SLC23A2: variants seen among roughly 807,000 people sequenced by gnomAD.
SLC23A2 encodes solute carrier family 23 member 2.
A neutral mutation model predicts 73.3 loss-of-function variants in SLC23A2; 36 were observed. That is an observed-to-expected ratio of 0.49 (90% CI 0.38 to 0.65). SLC23A2 has a LOEUF of 0.65. SLC23A2 is among the 30% of genes least tolerant of loss of function. The pLI, the probability that SLC23A2 is intolerant of heterozygous loss-of-function variation, is 0.00. For synonymous variants in SLC23A2, 343 were observed against 327.3 expected, an observed-to-expected ratio of 1.05 and a Z score of -0.52; for missense variants, 507 against 841.6, an observed-to-expected ratio of 0.60 and a Z score of 4.92.
At position 4,873,990 on chromosome 20, in the gene SLC23A2, C is replaced by T; in HGVS notation, c.1048G>A (p.Asp350Asn). 6.2e-7 allele frequency: 1 copy of T among 1,614,198 alleles called. No individual in the cohort carries two copies. Reference sequence around the variant, plus strand: ...ACCAGAAGCACGCCTTGCCTGGCATCTGTGCGAGCATAGAAGCCATACTTT... The same window carrying T: ...ACCAGAAGCACGCCTTGCCTGGCATTTGTGCGAGCATAGAAGCCATACTTT... ...STKYGFYARTDARQGVLLVAP... is the reference protein window; with the variant it reads ...STKYGFYARTNARQGVLLVAP... The change falls in exon 11 of 17, where the codon GAT (aspartate) becomes AAT (asparagine). Residue 350 changes from aspartate (D) to asparagine (N), a missense_variant. Around this residue, in one of 5 missense-constraint regions of SLC23A2, gnomAD observed 217 missense variants for 398.0 expected, o/e 0.55. Coordinates refer to ENST00000338244, the MANE Select transcript of SLC23A2 (RefSeq NM_005116.6).
intron 6 of SLC23A2, among the ~76,000 whole-genome samples, chr20:4,896,086 A>G (rs537343297): frequency 6.6e-6 from 1 of 152,238 alleles, no homozygotes; most frequent in South Asian, 2.1e-4. Context: ...ACAGGAAGGG[A>G]TGGAGGGTGG....
chr20:4,988,593 A>G (rs1923094), intron 1 of SLC23A2, among the ~76,000 whole-genome samples: 61,139 of 151,658 alleles, frequency 0.4, 13,486 homozygotes, highest in South Asian at 0.48. Context: ...AAAATTTGCC[A>G]GGCATGGTGG....
intron 1 of SLC23A2, among the ~76,000 whole-genome samples, chr20:4,993,156 C>T (rs911887943): frequency 2.0e-5 from 3 of 151,698 alleles, no homozygotes; most frequent in South Asian, 4.2e-4. Flanking sequence ...TGGTAGCGGG[C>T]GCCTGCAGTC....
chr20:5,003,502 T>C (rs1257934540), upstream of SLC23A2, among the ~76,000 whole-genome samples: 1 of 151,702 alleles, frequency 6.6e-6, no homozygotes, highest in East Asian at 1.9e-4. Flanking sequence ...GCATAGAGCG[T>C]ATTCCAGCCA....
intron 1 of SLC23A2, among the ~76,000 whole-genome samples, chr20:4,983,348 T>C (rs1387628426): frequency 6.6e-6 from 1 of 151,832 alleles, no homozygotes; most frequent in Admixed American, 6.6e-5. Context: ...CTTTCTTAAC[T>C]GCAAAAGACA....
chr20:4,912,433 C>A (rs1336239757), intron 4 of SLC23A2, among the ~76,000 whole-genome samples: 1 of 152,066 alleles, frequency 6.6e-6, no homozygotes, highest in Admixed American at 6.6e-5. Flanking sequence ...CTTCACATAT[C>A]ATTTCATTCA....
chr20:4,938,488 G>A (rs1311793112), intron 2 of SLC23A2, among the ~76,000 whole-genome samples: 17 of 151,960 alleles, frequency 1.1e-4, no homozygotes, highest in Non-Finnish European at 2.2e-4. Flanking sequence ...ACAGGCATGC[G>A]CCACCATGCC....
At chr20:4,961,976 G>C (rs2087398263) in intron 2 of SLC23A2, among the ~76,000 whole-genome samples, 1 of 152,124 alleles carries the variant, frequency 6.6e-6, no homozygotes, top group Non-Finnish European at 1.5e-5. Context: ...CTTATGCAAG[G>C]CAGCATGAGG....
At chr20:4,933,586 A>G (rs940995643) in intron 2 of SLC23A2, among the ~76,000 whole-genome samples, 3 of 152,132 alleles carry the variant, frequency 2.0e-5, no homozygotes, top group African/African-American at 4.8e-5. Context: ...CCAAGATCGC[A>G]TCACTGCACT....
At chr20:4,874,200 C>T in intron 10 of SLC23A2, 108 bp from the exon 11 acceptor site, 1 of 968,392 alleles carries the variant, frequency 1.0e-6, no homozygotes, top group South Asian at 1.6e-5. Flanking sequence ...CCACCACAGT[C>T]AGTACTTTGC....
At chr20:4,959,352 G>A (rs1049448021) in intron 2 of SLC23A2, among the ~76,000 whole-genome samples, 4 of 152,122 alleles carry the variant, frequency 2.6e-5, no homozygotes, top group African/African-American at 9.7e-5. Flanking sequence ...AACTACTTTG[G>A]AAAAACCATT....
chr20:4,879,904 G>A (rs1365758309), intron 9 of SLC23A2, among the ~76,000 whole-genome samples: 1 of 152,162 alleles, frequency 6.6e-6, no homozygotes, highest in Non-Finnish European at 1.5e-5. Flanking sequence ...GGGTGGACAG[G>A]GCTGGATACT....
chr20:4,868,014 G>A lies in SLC23A2; in HGVS notation c.1251-139C>T, dbSNP rs933431615. On this transcript the variant is annotated intron_variant, in intron 12 of 16. Coordinates refer to ENST00000338244, the MANE Select transcript of SLC23A2 (RefSeq NM_005116.6). This position sits in a 1 kb window ranked among gnomAD's most constrained non-coding sequence, Gnocchi z 4.4. ...CACATCTCCTGGGAGCTGGGAGGGC[G>A]ATTAAAAATACAATCTCAGACCCCA... The A allele has an allele frequency of 1.9e-5, 10 of 519,184 alleles. No homozygotes were observed. Among genetic ancestry groups the A allele is most frequent in the East Asian group, 3.9e-5 (1 of 25,580 alleles). The allele number at this position is 519,184 out of a possible 1,614,324, so 32.2% of individuals were successfully genotyped here. A position where few individuals can be genotyped will look rare whatever the true frequency, so the allele number is the denominator to read the frequency against.
rs1301987457 is a variant in SLC23A2, at chr20:4,952,764, C to T, written c.-155+18029G>A. 2.0e-5 allele frequency among the ~76,000 whole-genome samples: 3 copies of T among 152,320 alleles called. No homozygotes were observed. In the East Asian group the frequency reaches 5.8e-4, roughly 29 times the overall value. On this transcript the variant is annotated intron_variant, in intron 2 of 16. Transcript: ENST00000338244. ...AATAGGCCAGGCGCAGTGGCTCACA[C>T]CTGTAATCGCAGCACTTTGGGAGGC...
In SLC23A2 at chr20:4,883,279, T is replaced by C. The variant is rs1930965266; in HGVS notation, c.824+363A>G. 1.3e-5 allele frequency among the ~76,000 whole-genome samples: 2 copies of C among 152,180 alleles called. No homozygotes were observed. Among genetic ancestry groups the C allele is most frequent in the South Asian group, 2.1e-4 (1 of 4,822 alleles). On this transcript the variant is annotated intron_variant, in intron 9 of 16. Coordinates refer to ENST00000338244, the MANE Select transcript of SLC23A2 (RefSeq NM_005116.6). The surrounding 1 kb of genome is among the most constrained non-coding windows in gnomAD (Gnocchi z 4.5). Reference sequence around the variant, plus strand: ...TCCAGATTCCTGCCACTCTGGAATATTTTTGAGTCTCATGATATAAAAATT... The same window carrying C: ...TCCAGATTCCTGCCACTCTGGAATACTTTTGAGTCTCATGATATAAAAATT...
At chr20:4,929,333 T>C (rs2122935997) in intron 3 of SLC23A2, among the ~76,000 whole-genome samples, 1 of 151,006 alleles carries the variant, frequency 6.6e-6, no homozygotes, top group East Asian at 1.9e-4. Flanking sequence ...CACTGGGACC[T>C]GCTGGGCTGA....
At chr20:4,925,629 C>T (rs1424016121) in intron 3 of SLC23A2, among the ~76,000 whole-genome samples, 1 of 152,118 alleles carries the variant, frequency 6.6e-6, no homozygotes, top group Admixed American at 6.5e-5. Context: ...CTTCCTGCCC[C>T]GGCACCCACC....
intron 2 of SLC23A2, among the ~76,000 whole-genome samples, chr20:4,964,477 G>T (rs1280610033): frequency 6.6e-6 from 1 of 152,028 alleles, no homozygotes; most frequent in Admixed American, 6.6e-5. Context: ...AAACCGGAGG[G>T]GAAAATATTA....
In SLC23A2 at chr20:4,869,934, G is replaced by A; in HGVS notation, c.1222C>T (p.Pro408Ser). 6.2e-7 allele frequency: 1 copy of A among 1,606,448 alleles called. No homozygotes were observed. Among genetic ancestry groups the A allele is most frequent in the Non-Finnish European group, 8.5e-7 (1 of 1,173,680 alleles). The change falls in exon 12 of 17, where the codon CCA becomes TCA. Residue 408 changes from proline (P) to serine (S), a missense_variant. Transcript: ENST00000338244. ...YYACARLSCA[P>S]PPPIHAINRG... ...TTTATTGCGTGGATGGGGGGGGGTG[G>A]GGCACAGGACAGCCGTGCACAGGCG...
Sources: allele counts gnomAD v4.1 joint callset (sites outside exome capture counted in the v4.1 genomes callset), GRCh38; gene constraint gnomAD v4.1.1; regional missense constraint gnomAD v4.1.1; non-coding constraint Gnocchi (gnomAD v3.1); transcripts MANE v1.5; gene names NCBI Gene and HGNC (gene_info 2026-07-23, HGNC 2026-07-21).